PRELID2: variants seen among roughly 807,000 people sequenced by gnomAD.
PRELID2 encodes PRELI domain containing 2.
A neutral mutation model predicts 28.4 loss-of-function variants in PRELID2; 25 were observed. The observed-to-expected ratio is 0.88, with a 90% CI of 0.64 to 1.23. The LOEUF (loss-of-function observed/expected upper bound fraction) is 1.23. PRELID2 is among the 50% of genes most tolerant of loss of function. The pLI is 0.00. For synonymous variants in PRELID2, 76 were observed against 71.6 expected (o/e 1.06, Z -0.31); for missense variants, 201 against 214.4 (o/e 0.94, Z 0.39).
intron 1 of PRELID2, among the ~76,000 whole-genome samples, chr5:145,504,049 G>A (rs866836022): frequency 4.6e-5 from 7 of 152,160 alleles, no homozygotes; most frequent in Admixed American, 2.0e-4. Context: ...ATTTGCCCAA[G>A]TGCTGGAGTC....
the PRELID2 span, among the ~76,000 whole-genome samples, chr5:145,445,748 A>G: frequency 1.3e-5 from 2 of 151,338 alleles, no homozygotes; most frequent in Non-Finnish European, 2.9e-5. Flanking sequence ...CAAAACACAC[A>G]CACACACACA....
At chr5:145,461,322 A>G in the PRELID2 span, among the ~76,000 whole-genome samples, 2 of 123,404 alleles carry the variant, frequency 1.6e-5, no homozygotes, top group Non-Finnish European at 3.3e-5. Context: ...TTTTTTTGAG[A>G]TGGAGTCTCG....
the PRELID2 span, among the ~76,000 whole-genome samples, chr5:145,392,464 A>G: frequency 6.6e-6 from 1 of 152,184 alleles, no homozygotes; most frequent in African/African-American, 2.4e-5. Flanking sequence ...GATTATGGTA[A>G]CTACAAATCA....
chr5:145,697,045 AT>A lies in PRELID2; in HGVS notation n.70+67885del, dbSNP rs760096488. Among the ~76,000 whole-genome samples, 270 of 106,452 alleles carry A rather than the reference AT, an allele frequency of 2.5e-3. 9 individuals are homozygous for A. Among genetic ancestry groups the A allele is most frequent in the Non-Finnish European group, 3.8e-3 (210 of 55,932 alleles). The allele number at this position is 106,452 out of a possible 152,430, so 69.8% of individuals were successfully genotyped here. A position where few individuals can be genotyped will look rare whatever the true frequency, so the allele number is the denominator to read the frequency against. The stretch of plus-strand genomic sequence containing the variant: ...AAAGAGAGGAAAATTATATATATAT[AT>A]ATATATATATATATATATATATATA... On this transcript the variant is annotated intron_variant and non_coding_transcript_variant, in intron 1 of 2. Transcript: ENST00000510259.
intron 1 of PRELID2, among the ~76,000 whole-genome samples, chr5:145,557,912 T>TTGTGTGAAGTTTGTAG (rs1752894503): frequency 6.6e-6 from 1 of 152,222 alleles, no homozygotes; most frequent in Non-Finnish European, 1.5e-5. Flanking sequence ...TGAAGTTGGT[T>TTGTGTGAAGTTTGTAG]CTTGCCTTGG....
rs78322038 is a variant in PRELID2, at chr5:145,541,350, T to A, written n.71-68035A>T. 2.8e-3 allele frequency among the ~76,000 whole-genome samples: 432 copies of A among 152,182 alleles called. 1 individual carries two copies. The highest frequency in any genetic ancestry group is 9.8e-3 in the African/African-American group (406 of 41,556). ...CTTAATCCTTATAGCAACATTATAA[T>A]GTAGGAACTTTTACGTCCTCATTTT... is the stretch of plus-strand genomic sequence containing the variant. On this transcript the variant is annotated intron_variant and non_coding_transcript_variant, in intron 1 of 2. Transcript: ENST00000510259.
intron 1 of PRELID2, among the ~76,000 whole-genome samples, chr5:145,636,289 A>T (rs191583047): frequency 6.6e-6 from 1 of 152,360 alleles, no homozygotes; most frequent in East Asian, 1.9e-4. Flanking sequence ...CTAACTCCAT[A>T]GCACATGCTC....
chr5:145,626,016 T>C (rs1436107466), intron 1 of PRELID2, among the ~76,000 whole-genome samples: 2 of 152,070 alleles, frequency 1.3e-5, no homozygotes, highest in African/African-American at 2.4e-5. Context: ...TCCCATCATA[T>C]ACAAAAATTA....
the PRELID2 span, among the ~76,000 whole-genome samples, chr5:145,346,524 G>T: frequency 6.6e-6 from 1 of 152,170 alleles, no homozygotes; most frequent in African/African-American, 2.4e-5. Flanking sequence ...ATTGACTAAA[G>T]ATAGCCTAAC....
the PRELID2 span, among the ~76,000 whole-genome samples, chr5:145,391,872 T>C: frequency 0.17 from 25,862 of 152,080 alleles, 2,615 homozygotes; most frequent in East Asian, 0.35. Context: ...TGCTAAAACA[T>C]AGCAAGACTC....
the PRELID2 span, among the ~76,000 whole-genome samples, chr5:145,270,574 T>C: frequency 6.6e-6 from 1 of 152,138 alleles, no homozygotes; most frequent in South Asian, 2.1e-4. Context: ...ACTATTATGA[T>C]TAAAGCTGCT....
At chr5:145,493,846 T>A (rs1193766055) in intron 1 of PRELID2, among the ~76,000 whole-genome samples, 1 of 152,228 alleles carries the variant, frequency 6.6e-6, no homozygotes, top group Non-Finnish European at 1.5e-5. Context: ...TCTGCTTTTG[T>A]ATTCCCACAG....
chr5:145,533,977 T>C (rs1276319449), intron 1 of PRELID2, among the ~76,000 whole-genome samples: 1 of 152,060 alleles, frequency 6.6e-6, no homozygotes, highest in Non-Finnish European at 1.5e-5. Context: ...GTATCAGTGA[T>C]AGAAGTTGAA....
chr5:145,829,221 C>G (rs1755426628), intron 1 of PRELID2, among the ~76,000 whole-genome samples: 1 of 152,056 alleles, frequency 6.6e-6, no homozygotes, highest in Non-Finnish European at 1.5e-5. Context: ...GTCTTTTATA[C>G]ACTGATTAAG....
intron 1 of PRELID2, among the ~76,000 whole-genome samples, chr5:145,539,757 C>T (rs1218433219): frequency 9.2e-5 from 14 of 151,620 alleles, no homozygotes; most frequent in Admixed American, 9.2e-4. Context: ...GATAAGCCCA[C>T]TCTGTGGTGT....
At chr5:145,513,997 A>G (rs1304057806) in intron 1 of PRELID2, among the ~76,000 whole-genome samples, 1 of 152,194 alleles carries the variant, frequency 6.6e-6, no homozygotes. Context: ...TGAAGGAAGC[A>G]CTAAATATGG....
chr5:145,247,231 ACTC>A, the PRELID2 span, among the ~76,000 whole-genome samples: 1 of 151,860 alleles, frequency 6.6e-6, no homozygotes, highest in East Asian at 1.9e-4. Flanking sequence ...ACCAATCATC[ACTC>A]CTCAATTCCC....
At chr5:145,712,580 A>G (rs1359339157) in intron 1 of PRELID2, among the ~76,000 whole-genome samples, 1 of 152,232 alleles carries the variant, frequency 6.6e-6, no homozygotes, top group African/African-American at 2.4e-5. Flanking sequence ...TTAAGGATAA[A>G]TAGCATTTAT....
chr5:145,553,296 A>T (rs1752853784), intron 1 of PRELID2, among the ~76,000 whole-genome samples: 1 of 151,658 alleles, frequency 6.6e-6, no homozygotes, highest in Non-Finnish European at 1.5e-5. Flanking sequence ...TTTGACAAGG[A>T]AGTGACAATG....
Sources: gnomAD v4.1 joint callset for allele counts (sites outside exome capture counted in the v4.1 genomes callset) on GRCh38, gnomAD v4.1.1 for gene constraint, MANE v1.5 for transcripts, NCBI Gene and HGNC (gene_info 2026-07-23, HGNC 2026-07-21) for gene names.